The following DNAH17 variants were observed in gnomAD, a reference collection of about 807,000 sequenced individuals.
DNAH17 encodes axonemal beta dynein heavy chain 17.
In DNAH17, 376 loss-of-function variants were observed where a neutral mutation model predicts 485.6. The observed-to-expected ratio is 0.77, with a 90% confidence interval of 0.71 to 0.84. DNAH17 has a LOEUF of 0.84. Among genes scored for constraint, DNAH17 ranks in the 40% least tolerant of loss-of-function variants. DNAH17 has a pLI of 0.00. For missense variants in DNAH17, 6,370 were observed against 5,839.3 expected (o/e 1.09, Z -2.96); for synonymous variants, 3,031 against 2,405.9 (o/e 1.26, Z -7.60).
chr17:78,475,051 C>T (rs771390871), intron 54 of DNAH17, among the ~76,000 whole-genome samples: 1 of 151,218 alleles, frequency 6.6e-6, no homozygotes, highest in South Asian at 2.1e-4. Flanking sequence ...ACCTCAGTCA[C>T]ACGGGCTGGA....
intron 16 of DNAH17, among the ~76,000 whole-genome samples, chr17:78,545,665 A>T (rs961102394): frequency 6.6e-6 from 1 of 150,964 alleles, no homozygotes; most frequent in African/African-American, 2.5e-5. Flanking sequence ...GGAGTGTTTG[A>T]GAGTCACAAA....
rs141719777 is a variant in DNAH17, at chr17:78,426,125, T to A, written c.12915+332A>T. Among the ~76,000 whole-genome samples the A allele has an allele frequency of 2.5e-4, 38 of 152,332 alleles. No homozygotes were observed. In the East Asian group the frequency reaches 6.4e-3, roughly 25 times the overall value. On this transcript the variant is annotated intron_variant, in intron 79 of 80. Transcript: ENST00000389840. The stretch of plus-strand genomic sequence containing the variant: ...AAGGGTCAGGAAGAAAATGGCTTCC[T>A]GTTTGTGGATAATTTAGGAGCCCAA...
rs368593808 is a variant in DNAH17 at position 78,442,320 on chromosome 17, T to C, written c.11529-1121A>G. ...TTGCCTGTCCATGCCCTTGGGACTT[T>C]CTGGGGACACCTGGATCTGCTATTC... On this transcript the variant is annotated intron_variant, in intron 71 of 80. Coordinates refer to ENST00000389840, the MANE Select transcript of DNAH17 (RefSeq NM_173628.4). Among the ~76,000 whole-genome samples, 21 of 152,322 alleles carry C rather than the reference T, an allele frequency of 1.4e-4. 1 individual carries two copies. The South Asian group carries it at 4.3e-3, about 32-fold the overall frequency.
intron 72 of DNAH17, among the ~76,000 whole-genome samples, chr17:78,439,461 G>C (rs1451169657): frequency 6.6e-6 from 1 of 151,996 alleles, no homozygotes; most frequent in Non-Finnish European, 1.5e-5. Context: ...CCCAAGAGGT[G>C]GTCCCCATAC....
chr17:78,531,337 C>CTTTT lies in DNAH17; in HGVS notation c.3115-829_3115-826dup, dbSNP rs35874440. Among the ~76,000 whole-genome samples the CTTTT allele has an allele frequency of 2.4e-3, 297 of 122,342 alleles. 6 individuals are homozygous for CTTTT. The highest frequency in any genetic ancestry group is 8.4e-3 in the African/African-American group (260 of 30,850). The allele number at this position is 122,342 out of a possible 152,430, so 80.3% of individuals were successfully genotyped here. On this transcript the variant is annotated intron_variant, in intron 20 of 80. Transcript: ENST00000389840. The stretch of plus-strand genomic sequence containing the variant: ...TTACTGTTTGTGACATAAAGTCTGT[C>CTTTT]TTTTTTTTTTTTTTTTTTTTGAGAT...
Position 78,457,657 on chromosome 17 carries a change from CTTTTTTTT to C in DNAH17, c.9977+900_9977+907del, listed in dbSNP as rs71160297. Among the ~76,000 whole-genome samples the C allele has an allele frequency of 2.8e-3, 188 of 66,788 alleles. 1 individual carries two copies. Among genetic ancestry groups the C allele is most frequent in the Admixed American group, 5.7e-3 (30 of 5,278 alleles). The allele number at this position is 66,788 out of a possible 152,430, so 43.8% of individuals were successfully genotyped here. On this transcript the variant is annotated intron_variant, in intron 62 of 80. Transcript: ENST00000389840. Reference sequence around the variant, plus strand: ...TACAGGTGCGCACAGCCGTGCCTGGCTTTTTTTTTTTTTTTTTTTTTTTAGACAGTTTT... The same window carrying C: ...TACAGGTGCGCACAGCCGTGCCTGGCTTTTTTTTTTTTTTTAGACAGTTTT...
chr17:78,439,105 G>A lies in DNAH17; in HGVS notation c.11790C>T (p.His3930=). The change falls in exon 73 of 81, where the codon CAC becomes CAT. Residue 3930 remains histidine, a synonymous_variant. Transcript: ENST00000389840. ...NALDVAAEKG[H]WVILQNIHLV... ...CCCCTCGTACCTGCAGAATGACCCAGTGTCCTTTCTCTGCAGCCACGTCCA... is the reference window on the plus strand; with the variant it reads ...CCCCTCGTACCTGCAGAATGACCCAATGTCCTTTCTCTGCAGCCACGTCCA... 1 of 1,613,412 alleles carries A rather than the reference G, an allele frequency of 6.2e-7. No individual in the cohort carries two copies. The highest frequency in any genetic ancestry group is 8.5e-7 in the Non-Finnish European group (1 of 1,179,782).
At chr17:78,500,274 T>C (rs1303653129) in intron 36 of DNAH17, 31 bp downstream of exon 36, 1 of 1,588,094 alleles carries the variant, frequency 6.3e-7, no homozygotes, top group South Asian at 1.1e-5. Flanking sequence ...AAGAAGACTC[T>C]GGGTCCCTCC....
chr17:78,498,935 C>G, intron 37 of DNAH17, 73 bp downstream of exon 37: 2 of 1,177,966 alleles, frequency 1.7e-6, no homozygotes, highest in South Asian at 3.1e-5. Context: ...GTCTATCTGG[C>G]GTGTGAGGTC....
intron 37 of DNAH17, chr17:78,498,700 G>T: frequency 4.9e-6 from 1 of 204,072 alleles, no homozygotes; most frequent in Non-Finnish European, 9.8e-6. Flanking sequence ...CCTATGCCCA[G>T]CTCCGCTGAT....
At chr17:78,542,049 G>C (rs12603471) in intron 17 of DNAH17, among the ~76,000 whole-genome samples, 23,838 of 151,212 alleles carry the variant, frequency 0.16, 2,026 homozygotes, top group East Asian at 0.31. Context: ...GTGGCCTGCT[G>C]GTCTGTCTAG....
chr17:78,501,991 G>T, intron 33 of DNAH17, 118 bp from the exon 34 acceptor site: 1 of 1,451,666 alleles, frequency 6.9e-7, no homozygotes, highest in Non-Finnish European at 9.4e-7. Context: ...TTACAGTAAT[G>T]AAAAACAAGA....
chr17:78,547,071 T>C (rs1022647840), intron 16 of DNAH17, among the ~76,000 whole-genome samples: 4 of 152,236 alleles, frequency 2.6e-5, no homozygotes, highest in Admixed American at 2.0e-4. Context: ...TCTACAAGTA[T>C]TGCTTTTGAC....
intron 18 of DNAH17, among the ~76,000 whole-genome samples, chr17:78,539,451 C>T (rs1485254082): frequency 1.3e-5 from 2 of 152,076 alleles, no homozygotes; most frequent in African/African-American, 4.8e-5. Context: ...CTTTCCTTCA[C>T]CTGGCAGTGA....
At chr17:78,473,906 G>A (rs576065626) in intron 54 of DNAH17, among the ~76,000 whole-genome samples, 121 of 152,218 alleles carry the variant, frequency 7.9e-4, no homozygotes, top group African/African-American at 2.2e-3. Context: ...CATCAGATGC[G>A]CTGAGAACCC....
At chr17:78,531,646 G>A (rs184174971) in intron 20 of DNAH17, among the ~76,000 whole-genome samples, 1 of 152,144 alleles carries the variant, frequency 6.6e-6, no homozygotes, top group African/African-American at 2.4e-5. Flanking sequence ...CCGACATAAA[G>A]TCTGTCTTAT....
chr17:78,470,193 C>T (rs1447663152), intron 54 of DNAH17, among the ~76,000 whole-genome samples: 1 of 149,766 alleles, frequency 6.7e-6, no homozygotes, highest in Non-Finnish European at 1.5e-5. Flanking sequence ...CCTGCCTCAG[C>T]CTCCTGAGAG....
chr17:78,566,023 C>T (rs907999751), intron 11 of DNAH17, among the ~76,000 whole-genome samples: 2 of 151,866 alleles, frequency 1.3e-5, no homozygotes, highest in Non-Finnish European at 2.9e-5. Flanking sequence ...AAATAGAGAC[C>T]CCAGAGACCT....
chr17:78,570,856 C>CA (rs60897530), intron 6 of DNAH17, 92 bp downstream of exon 6: 27,734 of 287,744 alleles, frequency 0.096, 323 homozygotes, highest in African/African-American at 0.16. Flanking sequence ...GACTCCCTCT[C>CA]AAAAAAAAAA....
Sources: allele counts gnomAD v4.1 joint callset (sites outside exome capture counted in the v4.1 genomes callset), GRCh38; gene constraint gnomAD v4.1.1; transcripts MANE v1.5; gene names NCBI Gene and HGNC (gene_info 2026-07-23, HGNC 2026-07-21).